SRPK2: variants seen among roughly 807,000 people sequenced by gnomAD.
SRPK2 encodes the protein SFRS protein kinase 2.
SRPK2 carries 21 observed loss-of-function variants against 90.8 expected under a neutral mutation model. The ratio of observed to expected loss-of-function variants is 0.23; its 90% CI spans 0.16 to 0.33. SRPK2 has a LOEUF of 0.33. SRPK2 is among the 10% of genes least tolerant of loss of function. The probability of loss-of-function intolerance (pLI) is 1.00; values close to 1 mark genes in which losing one functional copy is unlikely to be tolerated. For missense variants in SRPK2, 620 were observed against 869.0 expected (o/e 0.71, Z 3.60); for synonymous variants, 288 against 311.1 (o/e 0.93, Z 0.78).
At chr7:105,302,043 T>A in intron 2 of SRPK2, 1 of 1,562,906 alleles carries the variant, frequency 6.4e-7, no homozygotes, top group Non-Finnish European at 8.8e-7. Context: ...TGGGTTGATG[T>A]TGTGAAGCAT....
intron 2 of SRPK2, among the ~76,000 whole-genome samples, chr7:105,350,970 C>T (rs1271150822): frequency 4.6e-5 from 7 of 152,118 alleles, no homozygotes; most frequent in Non-Finnish European, 7.3e-5. Flanking sequence ...CTATTTGCTA[C>T]CACCCTGTGA....
At chr7:105,118,222 G>A (rs1335540026) in intron 15 of SRPK2, among the ~76,000 whole-genome samples, 200 bp from the exon 16 acceptor site, 7 of 152,174 alleles carry the variant, frequency 4.6e-5, no homozygotes, top group Non-Finnish European at 1.0e-4. Flanking sequence ...AAGTAAGCCT[G>A]GTGGATCTAA....
chr7:105,314,683 C>T (rs1235927292), intron 2 of SRPK2, among the ~76,000 whole-genome samples: 1 of 152,056 alleles, frequency 6.6e-6, no homozygotes. Flanking sequence ...CATGCCCGGC[C>T]CAAAACATAT....
At chr7:105,153,738 G>A (rs538206382) in intron 7 of SRPK2, among the ~76,000 whole-genome samples, 7 of 152,294 alleles carry the variant, frequency 4.6e-5, no homozygotes, top group East Asian at 1.9e-4. Context: ...CTCCTACTCT[G>A]TGGGTAACAG....
chr7:105,279,480 A>AT (rs2067742572), intron 2 of SRPK2, among the ~76,000 whole-genome samples: 1 of 152,126 alleles, frequency 6.6e-6, no homozygotes, highest in Admixed American at 6.6e-5. Context: ...CAAAAGTGGG[A>AT]TCCCTATTCC....
intron 2 of SRPK2, among the ~76,000 whole-genome samples, chr7:105,247,907 G>C (rs1322492499): frequency 2.1e-5 from 3 of 145,914 alleles, no homozygotes; most frequent in Non-Finnish European, 4.5e-5. Context: ...TTTCACTCTT[G>C]GTGCCCAGGC....
Position 105,367,067 on chromosome 7 carries a change from G to GT in SRPK2, c.71+21580dup, listed in dbSNP as rs57405823. Among the ~76,000 whole-genome samples, 1,145 of 143,416 alleles carry GT rather than the reference G, an allele frequency of 8.0e-3. 5 individuals carry two copies. Among genetic ancestry groups the GT allele is most frequent in the African/African-American group, 0.018 (701 of 39,550 alleles). The allele number at this position is 143,416 out of a possible 152,430, so 94.1% of individuals were successfully genotyped here. ...AAAATATGAGATCACCTTTTTTTTT[G>GT]TTTTTTTTTTTGTTTGTTTGTTTGT... On this transcript the variant is annotated intron_variant, in intron 2 of 15. Transcript: ENST00000393651.
chr7:105,303,002 A>T (rs1810731855), intron 2 of SRPK2, among the ~76,000 whole-genome samples: 1 of 151,922 alleles, frequency 6.6e-6, no homozygotes, highest in South Asian at 2.1e-4. Context: ...TGAACCCAGG[A>T]GGCGGAGCTT....
intron 2 of SRPK2, among the ~76,000 whole-genome samples, chr7:105,240,502 A>G (rs1800667260): frequency 6.6e-6 from 1 of 152,212 alleles, no homozygotes; most frequent in Admixed American, 6.5e-5. Context: ...AAGAATATAG[A>G]AGAGGTATAG....
At chr7:105,307,856 T>C (rs1189421941) in intron 2 of SRPK2, among the ~76,000 whole-genome samples, 4 of 152,190 alleles carry the variant, frequency 2.6e-5, no homozygotes, top group Non-Finnish European at 4.4e-5. Context: ...TATACAATGG[T>C]GATGAACAGT....
intron 2 of SRPK2, among the ~76,000 whole-genome samples, chr7:105,377,654 C>T (rs1052253032): frequency 2.6e-5 from 4 of 151,894 alleles, no homozygotes; most frequent in African/African-American, 9.7e-5. Context: ...GAACTGAGAT[C>T]GCGCCACCGC....
intron 2 of SRPK2, among the ~76,000 whole-genome samples, chr7:105,359,088 C>T (rs12671047): frequency 1.3e-5 from 2 of 150,266 alleles, no homozygotes; most frequent in Non-Finnish European, 2.9e-5. Context: ...ACCACCAACA[C>T]TGGGGTATCA....
intron 2 of SRPK2, among the ~76,000 whole-genome samples, chr7:105,323,060 A>G (rs1813119380): frequency 6.6e-6 from 1 of 152,108 alleles, no homozygotes; most frequent in Non-Finnish European, 1.5e-5. Flanking sequence ...TCAGCTGGGC[A>G]TGGTGGCGCA....
At chr7:105,296,436 GA>G (rs1178595096) in intron 2 of SRPK2, among the ~76,000 whole-genome samples, 3 of 151,624 alleles carry the variant, frequency 2.0e-5, no homozygotes, top group Admixed American at 6.6e-5. Flanking sequence ...AACACAAAAG[GA>G]AAAAAATGTA....
chr7:105,157,543 C>T (rs947065166), intron 7 of SRPK2, among the ~76,000 whole-genome samples: 9 of 152,014 alleles, frequency 5.9e-5, no homozygotes, highest in Non-Finnish European at 7.4e-5. Flanking sequence ...GAAAGTTCTG[C>T]GTAAGCTTAG....
intron 2 of SRPK2, among the ~76,000 whole-genome samples, chr7:105,309,505 C>T (rs1011050076): frequency 3.9e-5 from 6 of 152,146 alleles, no homozygotes; most frequent in African/African-American, 1.2e-4. Flanking sequence ...TGCATTAAGG[C>T]TCTATCCTTA....
chr7:105,251,952 C>T lies in SRPK2; in HGVS notation c.72-48167G>A, dbSNP rs184204929. Among the ~76,000 whole-genome samples, 11 of 152,244 alleles carry T rather than the reference C, an allele frequency of 7.2e-5. 1 individual carries two copies. The highest frequency in any genetic ancestry group is 1.9e-4 in the African/African-American group (8 of 41,560). ...ATAATTTCTCTACTGACCTTTATCTCTTTTATCAGACAACACAGAGTTCGT... is the reference window on the plus strand; with the variant it reads ...ATAATTTCTCTACTGACCTTTATCTTTTTTATCAGACAACACAGAGTTCGT... On this transcript the variant is annotated intron_variant, in intron 2 of 15. Coordinates refer to ENST00000393651, the MANE Select transcript of SRPK2 (RefSeq NM_182692.3).
intron 2 of SRPK2, among the ~76,000 whole-genome samples, chr7:105,213,040 T>C (rs1224243161): frequency 3.3e-5 from 5 of 152,178 alleles, no homozygotes; most frequent in Non-Finnish European, 7.3e-5. Flanking sequence ...TACTAAACCA[T>C]TTTATATCAA....
chr7:105,230,740 T>C (rs993856059), intron 2 of SRPK2, among the ~76,000 whole-genome samples: 2 of 152,216 alleles, frequency 1.3e-5, no homozygotes, highest in African/African-American at 4.8e-5. Flanking sequence ...AAAAATCTTG[T>C]TGATTCTTGT....
Sources: gnomAD v4.1 joint callset for allele counts (sites outside exome capture counted in the v4.1 genomes callset) on GRCh38, gnomAD v4.1.1 for gene constraint, MANE v1.5 for transcripts, NCBI Gene and HGNC (gene_info 2026-07-23, HGNC 2026-07-21) for gene names.